TTLL5: variants seen among roughly 807,000 people sequenced by gnomAD.
TTLL5 encodes the protein tubulin polyglutamylase TTLL5.
A neutral mutation model predicts 168.4 loss-of-function variants in TTLL5; 132 were observed. That is an observed-to-expected ratio of 0.78 (90% CI 0.68 to 0.91). The LOEUF is 0.91. Among genes scored for constraint, TTLL5 ranks in the 40% least tolerant of loss-of-function variants. The probability of loss-of-function intolerance (pLI) is 0.00; values close to 1 mark genes in which losing one functional copy is unlikely to be tolerated. For missense variants in TTLL5, 1,545 were observed against 1,581.5 expected, an observed-to-expected ratio of 0.98 and a Z score of 0.39; for synonymous variants, 546 against 558.6, an observed-to-expected ratio of 0.98 and a Z score of 0.32.
intron 25 of TTLL5, 79 bp downstream of exon 25, chr14:75,782,652 A>G (rs934654056): frequency 1.7e-6 from 2 of 1,210,188 alleles, no homozygotes; most frequent in East Asian, 5.0e-5. Context: ...CAGATATTAA[A>G]TATTTCTAAA....
chr14:75,943,599 T>C (rs967340335), intron 31 of TTLL5, among the ~76,000 whole-genome samples: 1 of 152,302 alleles, frequency 6.6e-6, no homozygotes, highest in East Asian at 1.9e-4. Flanking sequence ...CAAATGCATG[T>C]TTTATCTGGA....
intron 3 of TTLL5, among the ~76,000 whole-genome samples, chr14:75,675,690 TAC>T (rs1884090614): frequency 6.6e-6 from 1 of 152,200 alleles, no homozygotes; most frequent in Non-Finnish European, 1.5e-5. Context: ...AGCTTCAGTT[TAC>T]AGTTGCAATC....
intron 27 of TTLL5, among the ~76,000 whole-genome samples, chr14:75,793,472 AC>A (rs1344057134): frequency 2.6e-5 from 4 of 152,130 alleles, no homozygotes; most frequent in African/African-American, 9.7e-5. Flanking sequence ...TTATAACATT[AC>A]CCTTTAAAAA....
In TTLL5 at chr14:75,690,232, A is replaced by G. The variant is rs780232533; in HGVS notation, c.412A>G (p.Ile138Val). ...CCGGAAGGACCGACTGTACAAAAAC[A>G]TTATTCGAATGCAGCATACACATGG... ...LTRKDRLYKN[I>V]IRMQHTHGFK... is the part of the protein sequence containing the mutation. The change falls in exon 6 of 32, where the codon ATT (isoleucine) becomes GTT (valine). Residue 138 changes from isoleucine (I) to valine (V), a missense_variant. Coordinates refer to ENST00000298832, the MANE Select transcript of TTLL5 (RefSeq NM_015072.5). 3.8e-5 allele frequency: 62 copies of G among 1,613,362 alleles called. 2 individuals carry two copies. In the South Asian group the frequency reaches 4.1e-4, roughly 11 times the overall value.
intron 19 of TTLL5, among the ~76,000 whole-genome samples, chr14:75,765,535 A>G (rs1189069882): frequency 1.3e-5 from 2 of 152,092 alleles, no homozygotes; most frequent in African/African-American, 2.4e-5. Flanking sequence ...TGAAAAATGT[A>G]TACTTTAATG....
At chr14:75,911,281 C>T (rs1338348222) in intron 31 of TTLL5, among the ~76,000 whole-genome samples, 4 of 152,188 alleles carry the variant, frequency 2.6e-5, no homozygotes, top group African/African-American at 9.7e-5. Flanking sequence ...GATTTGCCCA[C>T]CTTGGCCTCC....
At chr14:75,873,097 G>A (rs552516452) in intron 29 of TTLL5, among the ~76,000 whole-genome samples, 4 of 146,946 alleles carry the variant, frequency 2.7e-5, no homozygotes, top group South Asian at 4.3e-4. Flanking sequence ...TTTTTGAGAC[G>A]GAGTCTCGCT....
chr14:75,680,779 C>T (rs745393237), intron 3 of TTLL5, among the ~76,000 whole-genome samples: 12 of 152,014 alleles, frequency 7.9e-5, no homozygotes, highest in Non-Finnish European at 1.6e-4. Context: ...TGCGTACCAC[C>T]ACACCCAGCT....
At chr14:75,739,258 G>A (rs1889099293) in intron 15 of TTLL5, among the ~76,000 whole-genome samples, 1 of 152,098 alleles carries the variant, frequency 6.6e-6, no homozygotes, top group South Asian at 2.1e-4. Context: ...TTGCTTACGT[G>A]ACATAAAGCC....
chr14:75,792,901 T>C lies in TTLL5; in HGVS notation c.2987-15T>C. 1.3e-6 allele frequency: 2 copies of C among 1,529,268 alleles called. No individual in the cohort carries two copies. Among genetic ancestry groups the C allele is most frequent in the Non-Finnish European group, 1.8e-6 (2 of 1,131,598 alleles). The allele number at this position is 1,529,268 out of a possible 1,614,324, so 94.7% of individuals were successfully genotyped here. A position where few individuals can be genotyped will look rare whatever the true frequency, so the allele number is the denominator to read the frequency against. On this transcript the variant is annotated splice_polypyrimidine_tract_variant and intron_variant, in intron 26 of 31. Transcript: ENST00000298832. ...TTTTTCCTAAATGAGTGAAAACTTT[T>C]CTCCGTTTTAGCAGGATCGTGCTAT...
At chr14:75,893,856 A>AAAAATG (rs2032527159) in intron 30 of TTLL5, among the ~76,000 whole-genome samples, 1 of 148,590 alleles carries the variant, frequency 6.7e-6, no homozygotes, top group South Asian at 2.2e-4. Flanking sequence ...AAGGCAAAAT[A>AAAAATG]ATTTGAGACA....
chr14:75,829,614 G>A (rs1178839070), intron 28 of TTLL5, among the ~76,000 whole-genome samples: 1 of 150,704 alleles, frequency 6.6e-6, no homozygotes, highest in Non-Finnish European at 1.5e-5. Context: ...AAGAGCATAT[G>A]GGTTCAGATG....
chr14:75,776,848 A>G lies in TTLL5; in HGVS notation c.2385A>G (p.Ala795=), dbSNP rs1206485839. 1 of 1,610,248 alleles carries G rather than the reference A, an allele frequency of 6.2e-7. No homozygotes were observed. The highest frequency in any genetic ancestry group is 1.7e-5 in the Admixed American group (1 of 59,914). The change falls in exon 23 of 32, where the codon GCA becomes GCG. Residue 795 remains alanine, a splice_region_variant and synonymous_variant. Coordinates refer to ENST00000298832, the MANE Select transcript of TTLL5 (RefSeq NM_015072.5). Reference sequence around the variant, plus strand: ...ACTTTCAGGAGTTCATCAGACAAGCAAGGTAGTAGACATTCTTGATTGATA... The same window carrying G: ...ACTTTCAGGAGTTCATCAGACAAGCGAGGTAGTAGACATTCTTGATTGATA... ...MENFQEFIRQ[A]SEAELEEVLT...
At chr14:75,817,318 C>A (rs1894488877) in intron 27 of TTLL5, among the ~76,000 whole-genome samples, 2 of 152,164 alleles carry the variant, frequency 1.3e-5, no homozygotes, top group South Asian at 4.1e-4. Flanking sequence ...TTCTTCTCCC[C>A]CTTGTAGAAG....
In TTLL5 at chr14:75,707,761, T is replaced by C; in HGVS notation, c.740+54T>C. 2.9e-6 allele frequency: 4 copies of C among 1,370,936 alleles called. No individual in the cohort carries two copies. The South Asian group carries it at 3.6e-5, about 12-fold the overall frequency. The allele number at this position is 1,370,936 out of a possible 1,614,324, so 84.9% of individuals were successfully genotyped here. A position where few individuals can be genotyped will look rare whatever the true frequency, so the allele number is the denominator to read the frequency against. On this transcript the variant is annotated intron_variant, in intron 9 of 31. Coordinates refer to ENST00000298832, the MANE Select transcript of TTLL5 (RefSeq NM_015072.5). Reference sequence around the variant, plus strand: ...TGGGTGGGTATATTAAGGGTGGGTATATTAAGAGTGGATCCATTAACAAGT... The same window carrying C: ...TGGGTGGGTATATTAAGGGTGGGTACATTAAGAGTGGATCCATTAACAAGT...
intron 18 of TTLL5, among the ~76,000 whole-genome samples, chr14:75,757,322 T>C (rs1890337833): frequency 6.6e-6 from 1 of 152,174 alleles, no homozygotes; most frequent in Non-Finnish European, 1.5e-5. Flanking sequence ...ATATTTCTGA[T>C]GAGCATCCCT....
chr14:75,854,122 A>C (rs1424307739), intron 28 of TTLL5, among the ~76,000 whole-genome samples: 1 of 152,088 alleles, frequency 6.6e-6, no homozygotes, highest in African/African-American at 2.4e-5. Context: ...TATCTTTGTT[A>C]ACCACCATGC....
At chr14:75,946,967 T>A (rs534395659) in intron 31 of TTLL5, among the ~76,000 whole-genome samples, 1 of 152,192 alleles carries the variant, frequency 6.6e-6, no homozygotes, top group Non-Finnish European at 1.5e-5. Flanking sequence ...GGAGCTGTCA[T>A]GTTGCACGAG....
intron 31 of TTLL5, among the ~76,000 whole-genome samples, chr14:75,934,058 G>A (rs772861756): frequency 1.2e-4 from 18 of 152,296 alleles, no homozygotes; most frequent in East Asian, 5.8e-4. Context: ...CCTATCAAGC[G>A]AATACAGCTG....
Sources: allele counts gnomAD v4.1 joint callset (sites outside exome capture counted in the v4.1 genomes callset), GRCh38; gene constraint gnomAD v4.1.1; transcripts MANE v1.5; gene names NCBI Gene and HGNC (gene_info 2026-07-23, HGNC 2026-07-21).